NOS1AP: variants seen among roughly 807,000 people sequenced by gnomAD.
The protein encoded by NOS1AP is nitric oxide synthase 1 adaptor protein, also known as carboxyl-terminal PDZ ligand of neuronal nitric oxide synthase protein.
Under a neutral mutation model 56.2 loss-of-function variants are expected in NOS1AP, and 21 were observed. That is an observed-to-expected ratio of 0.37 (90% CI 0.26 to 0.54). The LOEUF (loss-of-function observed/expected upper bound fraction) is 0.54, where lower values mean the gene tolerates loss of function less well. NOS1AP is among the 20% of genes least tolerant of loss of function. The pLI, the probability that NOS1AP is intolerant of heterozygous loss-of-function variation, is 0.84. For missense variants in NOS1AP, 522 were observed against 657.8 expected (o/e 0.79, Z 2.26); for synonymous variants, 270 against 274.6 (o/e 0.98, Z 0.17).
intron 1 of NOS1AP, among the ~76,000 whole-genome samples, chr1:162,100,461 C>T (rs1014757129): frequency 7.2e-5 from 11 of 152,170 alleles, no homozygotes; most frequent in African/African-American, 2.7e-4. Flanking sequence ...ATATCCCTCA[C>T]CCACTTTTTG....
intron 4 of NOS1AP, among the ~76,000 whole-genome samples, chr1:162,303,770 A>G (rs1181931778): frequency 1.3e-5 from 2 of 152,230 alleles, no homozygotes; most frequent in African/African-American, 4.8e-5. Context: ...CCATTTGTAT[A>G]TATATTTTTA....
rs965834862 is a variant in NOS1AP, at chr1:162,174,429, G to A, written c.177+19953G>A. On this transcript the variant is annotated intron_variant, in intron 2 of 9. Transcript: ENST00000361897. ...TGTTGTGGGGTGGGGGGAGGGGGAA[G>A]GGATAGCATTAGGATATATACCTAA... Among the ~76,000 whole-genome samples the A allele has an allele frequency of 5.0e-5, 7 of 140,594 alleles. No individual in the cohort carries two copies. The East Asian group carries it at 9.9e-4, about 20-fold the overall frequency. 92.2% of individuals were successfully genotyped at this position (140,594 alleles called of 152,430 possible). A position where few individuals can be genotyped will look rare whatever the true frequency, so the allele number is the denominator to read the frequency against.
intron 2 of NOS1AP, among the ~76,000 whole-genome samples, chr1:162,212,987 C>T (rs1288274411): frequency 6.6e-6 from 1 of 152,160 alleles, no homozygotes; most frequent in East Asian, 1.9e-4. Context: ...GTGGATCTTG[C>T]CCAGGGTAAC....
intron 2 of NOS1AP, among the ~76,000 whole-genome samples, chr1:162,224,350 T>G (rs879512386): frequency 6.6e-6 from 1 of 152,228 alleles, no homozygotes; most frequent in Non-Finnish European, 1.5e-5. Flanking sequence ...CTTCTGACAT[T>G]CATAATTCTC....
intron 1 of NOS1AP, among the ~76,000 whole-genome samples, chr1:162,113,988 C>A (rs1647819146): frequency 6.6e-6 from 1 of 152,040 alleles, no homozygotes; most frequent in Non-Finnish European, 1.5e-5. Flanking sequence ...AGAATTTATA[C>A]AGAAAAACAC....
Position 162,204,121 on chromosome 1 carries a change from T to C in NOS1AP, c.177+49645T>C, listed in dbSNP as rs16858262. On this transcript the variant is annotated intron_variant, in intron 2 of 9. Coordinates refer to ENST00000361897, the MANE Select transcript of NOS1AP (RefSeq NM_014697.3). The stretch of plus-strand genomic sequence containing the variant: ...GCTGCTTCAACCCTGCAATAGTTCA[T>C]CCATGCTCTGGGGACAATACAAACT... 3.7e-4 allele frequency among the ~76,000 whole-genome samples: 57 copies of C among 152,316 alleles called. No individual in the cohort carries two copies. In the East Asian group the frequency reaches 0.011, roughly 28 times the overall value.
chr1:162,328,010 A>G (rs116625038), intron 4 of NOS1AP, among the ~76,000 whole-genome samples: 1 of 152,214 alleles, frequency 6.6e-6, no homozygotes, highest in Non-Finnish European at 1.5e-5. Context: ...GAAATGAAGG[A>G]TTATGTAACT....
chr1:162,114,690 G>A (rs1284268711), intron 1 of NOS1AP, among the ~76,000 whole-genome samples: 2 of 152,094 alleles, frequency 1.3e-5, no homozygotes, highest in Non-Finnish European at 2.9e-5. Flanking sequence ...AACCTTCCTT[G>A]CTAGGACATA....
intron 1 of NOS1AP, among the ~76,000 whole-genome samples, chr1:162,088,566 G>A (rs142513514): frequency 1.3e-5 from 2 of 152,266 alleles, no homozygotes; most frequent in Admixed American, 6.5e-5. Flanking sequence ...ATTGAAAAGA[G>A]TTACTGGATA....
chr1:162,321,421 G>A (rs1371795312), intron 4 of NOS1AP, among the ~76,000 whole-genome samples: 1 of 152,106 alleles, frequency 6.6e-6, no homozygotes, highest in Non-Finnish European at 1.5e-5. Flanking sequence ...CCATTGTAGG[G>A]ACATGGATGG....
chr1:162,275,205 A>G (rs531874611), intron 2 of NOS1AP, among the ~76,000 whole-genome samples: 3 of 152,038 alleles, frequency 2.0e-5, no homozygotes, highest in Admixed American at 2.0e-4. Flanking sequence ...TTTGATACGG[A>G]GTCTCACTCT....
chr1:162,357,238 A>G, intron 8 of NOS1AP, 102 bp downstream of exon 8: 1 of 1,527,994 alleles, frequency 6.5e-7, no homozygotes, highest in Non-Finnish European at 8.8e-7. Flanking sequence ...CTAGGGAGTC[A>G]TAAGGAATCG....
At chr1:162,250,757 C>G in intron 2 of NOS1AP, among the ~76,000 whole-genome samples, 1 of 152,136 alleles carries the variant, frequency 6.6e-6, no homozygotes, top group Admixed American at 6.5e-5. Context: ...GCAGATTCCC[C>G]CTGGCATGCG....
chr1:162,176,224 T>C (rs1319596100), intron 2 of NOS1AP, among the ~76,000 whole-genome samples: 4 of 152,232 alleles, frequency 2.6e-5, no homozygotes, highest in Non-Finnish European at 5.9e-5. Flanking sequence ...TAAAGTTCTG[T>C]GGGTTTTTGT....
chr1:162,101,434 G>A (rs6413902), intron 1 of NOS1AP, among the ~76,000 whole-genome samples: 106,043 of 152,084 alleles, frequency 0.7, 37,377 homozygotes, highest in African/African-American at 0.72. Context: ...TCAGTTACAT[G>A]TGAATTTTAA....
Position 162,369,100 on chromosome 1 carries a change from CAT to C in NOS1AP, c.*1634_*1635del, listed in dbSNP as rs1202396041. 3.3e-5 allele frequency: 5 copies of C among 152,040 alleles called. No homozygotes were observed. Among genetic ancestry groups the C allele is most frequent in the East Asian group, 1.9e-4 (1 of 5,196 alleles). The allele number at this position is 152,040 out of a possible 1,614,324, so 9.4% of individuals were successfully genotyped here. On this transcript the variant is annotated 3_prime_UTR_variant, in exon 10 of 10. Coordinates refer to ENST00000361897, the MANE Select transcript of NOS1AP (RefSeq NM_014697.3). ...TGTGTGTTTTGTGTGTGTGTGTACA[CAT>C]GTGTTTATATATACATGTGTGAGGG...
At chr1:162,186,528 C>T (rs2102150856) in intron 2 of NOS1AP, among the ~76,000 whole-genome samples, 1 of 152,240 alleles carries the variant, frequency 6.6e-6, no homozygotes, top group South Asian at 2.1e-4. Context: ...CCCCCAAATT[C>T]ATACGTTGAA....
rs1649604983 is a variant in NOS1AP, at chr1:162,149,226, G to A, written c.106-5179G>A. Reference sequence around the variant, plus strand: ...CCAGTGTATCAGTCTTTGACTGAAGGCAGGGAATTGGTGTTGCCTGACCCC... The same window carrying A: ...CCAGTGTATCAGTCTTTGACTGAAGACAGGGAATTGGTGTTGCCTGACCCC... On this transcript the variant is annotated intron_variant, in intron 1 of 9. Transcript: ENST00000361897. 2.0e-5 allele frequency among the ~76,000 whole-genome samples: 3 copies of A among 152,252 alleles called. No homozygotes were observed. The South Asian group carries it at 6.2e-4, about 31-fold the overall frequency.
At chr1:162,105,913 G>T (rs1647486877) in intron 1 of NOS1AP, among the ~76,000 whole-genome samples, 1 of 152,194 alleles carries the variant, frequency 6.6e-6, no homozygotes, top group Non-Finnish European at 1.5e-5. Context: ...TGAAAGTGGG[G>T]CCCGAAGAAT....
Sources: gnomAD v4.1 joint callset for allele counts (sites outside exome capture counted in the v4.1 genomes callset) on GRCh38, gnomAD v4.1.1 for gene constraint, MANE v1.5 for transcripts, NCBI Gene and HGNC (gene_info 2026-07-23, HGNC 2026-07-21) for gene names.